TMEM178B: variants seen among roughly 807,000 people sequenced by gnomAD.
The protein encoded by TMEM178B is transmembrane protein 178B.
In TMEM178B, 5 loss-of-function variants were observed where a neutral mutation model predicts 31.0. That is an observed-to-expected ratio of 0.16 (90% CI 0.08 to 0.34). The LOEUF is 0.34. TMEM178B is among the 10% of genes least tolerant of loss of function. TMEM178B has a pLI of 1.00. For synonymous variants in TMEM178B, 164 were observed against 164.0 expected (o/e 1.00, Z 0.00); for missense variants, 275 against 400.3 (o/e 0.69, Z 2.67).
At chr7:141,211,146 A>G (rs1278776070) in intron 1 of TMEM178B, among the ~76,000 whole-genome samples, 1 of 152,136 alleles carries the variant, frequency 6.6e-6, no homozygotes, top group Non-Finnish European at 1.5e-5. Context: ...TGAAGGTATG[A>G]GGAGGAGGTG....
the TMEM178B span, among the ~76,000 whole-genome samples, chr7:141,506,568 T>A: frequency 6.6e-6 from 1 of 152,186 alleles, no homozygotes; most frequent in Non-Finnish European, 1.5e-5. Context: ...ATTACCTCCC[T>A]CTCGATCCCT....
At chr7:141,211,371 G>T (rs1270295001) in intron 1 of TMEM178B, among the ~76,000 whole-genome samples, 1 of 152,220 alleles carries the variant, frequency 6.6e-6, no homozygotes, top group Non-Finnish European at 1.5e-5. Context: ...TAAGGCATCA[G>T]TTTCATGAGG....
intron 1 of TMEM178B, among the ~76,000 whole-genome samples, chr7:141,085,959 C>A (rs1472179694): frequency 6.6e-6 from 1 of 152,096 alleles, no homozygotes; most frequent in Admixed American, 6.5e-5. Flanking sequence ...TGTAAATGTT[C>A]ATTAATAAGA....
chr7:141,305,305 T>C (rs1227603151), intron 2 of TMEM178B, among the ~76,000 whole-genome samples: 1 of 152,248 alleles, frequency 6.6e-6, no homozygotes, highest in Non-Finnish European at 1.5e-5. Flanking sequence ...TTCTGGGGGC[T>C]GAGCACTGTT....
intron 3 of TMEM178B, among the ~76,000 whole-genome samples, chr7:141,443,211 G>A (rs890043986): frequency 6.6e-6 from 1 of 152,178 alleles, no homozygotes; most frequent in African/African-American, 2.4e-5. Flanking sequence ...ACTGTATCCA[G>A]TTCCCTGTAT....
intron 2 of TMEM178B, among the ~76,000 whole-genome samples, chr7:141,257,543 A>G (rs1420360769): frequency 1.3e-5 from 2 of 152,184 alleles, no homozygotes; most frequent in African/African-American, 4.8e-5. Flanking sequence ...TTTAAAATCC[A>G]GTCCTCAGAT....
intron 2 of TMEM178B, among the ~76,000 whole-genome samples, chr7:141,215,337 A>ATTATTATTATTTT (rs55726735): frequency 7.1e-6 from 1 of 141,484 alleles, no homozygotes; most frequent in Non-Finnish European, 1.5e-5. Context: ...TATTATTATT[A>ATTATTATTATTTT]TTTTTTGAGA....
intron 2 of TMEM178B, among the ~76,000 whole-genome samples, chr7:141,283,223 A>T (rs984069844): frequency 2.0e-5 from 3 of 152,194 alleles, no homozygotes; most frequent in African/African-American, 7.2e-5. Flanking sequence ...TTGGTTCAAA[A>T]TGCCTCTAAC....
chr7:141,290,713 C>T (rs1372304909), intron 2 of TMEM178B, among the ~76,000 whole-genome samples: 1 of 152,208 alleles, frequency 6.6e-6, no homozygotes, highest in African/African-American at 2.4e-5. Context: ...AGTCTTCCTT[C>T]CTTGAACTCT....
chr7:141,077,754 A>G (rs1173163022), intron 1 of TMEM178B, among the ~76,000 whole-genome samples: 5 of 152,268 alleles, frequency 3.3e-5, no homozygotes, highest in African/African-American at 1.2e-4. Context: ...TTCTAATTAT[A>G]GAAACACTTG....
At chr7:141,468,812 G>A (rs1316369490) in intron 3 of TMEM178B, among the ~76,000 whole-genome samples, 2 of 152,208 alleles carry the variant, frequency 1.3e-5, no homozygotes, top group East Asian at 3.9e-4. Context: ...GGGTGCCCAA[G>A]TGGGACTTCC....
At chr7:141,303,479 G>A (rs969725551) in intron 2 of TMEM178B, among the ~76,000 whole-genome samples, 12 of 152,208 alleles carry the variant, frequency 7.9e-5, no homozygotes, top group Non-Finnish European at 1.0e-4. Context: ...CCTGCTGCCC[G>A]GACAGGGCTC....
intron 2 of TMEM178B, among the ~76,000 whole-genome samples, chr7:141,239,062 T>G (rs547798172): frequency 1.0e-3 from 154 of 152,200 alleles, no homozygotes; most frequent in Middle Eastern, 3.4e-3. Context: ...CTAGGTTTTT[T>G]TTGTTGTTGT....
At chr7:141,417,786 T>G (rs1801127221) in intron 2 of TMEM178B, among the ~76,000 whole-genome samples, 2 of 152,216 alleles carry the variant, frequency 1.3e-5, no homozygotes, top group African/African-American at 4.8e-5. Flanking sequence ...TACATAGCAG[T>G]TACTTTGTGC....
the TMEM178B span, among the ~76,000 whole-genome samples, chr7:141,511,044 G>A: frequency 2.0e-5 from 3 of 152,062 alleles, no homozygotes; most frequent in African/African-American, 7.2e-5. Context: ...TTTTAGAACT[G>A]TGCAATGTAT....
At chr7:141,336,515 CTAG>C (rs1487483308) in intron 2 of TMEM178B, among the ~76,000 whole-genome samples, 1 of 152,052 alleles carries the variant, frequency 6.6e-6, no homozygotes, top group East Asian at 1.9e-4. Context: ...TAAAATAAAA[CTAG>C]TAACACCTAC....
At chr7:141,109,806 A>G (rs1038891416) in intron 1 of TMEM178B, among the ~76,000 whole-genome samples, 31 of 152,110 alleles carry the variant, frequency 2.0e-4, no homozygotes, top group African/African-American at 6.8e-4. Context: ...CTGGATGTGG[A>G]GGATCATGCC....
chr7:141,393,683 C>G, intron 2 of TMEM178B, among the ~76,000 whole-genome samples: 1 of 152,166 alleles, frequency 6.6e-6, no homozygotes, highest in East Asian at 1.9e-4. Flanking sequence ...CAAAGATGTT[C>G]TCATAATCTC....
In TMEM178B at chr7:141,473,159, TA is replaced by T. The variant is rs1222635559; in HGVS notation, c.*2374del. The T allele has an allele frequency of 6.6e-6, 1 of 152,266 alleles. No homozygotes were observed. The highest frequency in any genetic ancestry group is 2.4e-5 in the African/African-American group (1 of 41,480). 9.4% of individuals were successfully genotyped at this position (152,266 alleles called of 1,614,324 possible). A position where few individuals can be genotyped will look rare whatever the true frequency, so the allele number is the denominator to read the frequency against. ...AACCCAGTTTTTCAATTGGGCATTT[TA>T]TTTCTAATTTTCTTTGAAAAGTTAG... On this transcript the variant is annotated 3_prime_UTR_variant, in exon 4 of 4. Coordinates refer to ENST00000565468, the MANE Select transcript of TMEM178B (RefSeq NM_001195278.2).
Sources: gnomAD v4.1 joint callset for allele counts (sites outside exome capture counted in the v4.1 genomes callset) on GRCh38, gnomAD v4.1.1 for gene constraint, MANE v1.5 for transcripts, NCBI Gene and HGNC (gene_info 2026-07-23, HGNC 2026-07-21) for gene names.